Variants in AP1M1 observed in about 807,000 individuals in gnomAD.
AP1M1 encodes the protein AP-1 complex subunit mu-1.
AP1M1 carries 18 observed loss-of-function variants against 57.1 expected under a neutral mutation model. The ratio of observed to expected loss-of-function variants is 0.32; its 90% confidence interval spans 0.22 to 0.47. The LOEUF (loss-of-function observed/expected upper bound fraction) is 0.47. AP1M1 is among the 20% of genes least tolerant of loss of function. The pLI is 1.00. For missense variants in AP1M1, 362 were observed against 593.5 expected, an observed-to-expected ratio of 0.61 and a Z score of 4.05; for synonymous variants, 241 against 237.9, an observed-to-expected ratio of 1.01 and a Z score of -0.12.
chr19:16,232,478 T>C (rs1395245631), intron 9 of AP1M1, among the ~76,000 whole-genome samples: 2 of 152,158 alleles, frequency 1.3e-5, no homozygotes. Flanking sequence ...TCTGGCTGAG[T>C]GTTTGGGGCA....
chr19:16,211,645 G>T (rs1407968332), intron 5 of AP1M1, among the ~76,000 whole-genome samples: 9 of 152,014 alleles, frequency 5.9e-5, no homozygotes, highest in African/African-American at 2.2e-4. Flanking sequence ...AGCTACTCGG[G>T]TGGCTGAGGT....
chr19:16,222,174 C>G (rs904554656), intron 5 of AP1M1, among the ~76,000 whole-genome samples: 10 of 147,370 alleles, frequency 6.8e-5, no homozygotes, highest in Non-Finnish European at 1.5e-4. Context: ...CTGTTTATCT[C>G]CATTCTGTTA....
chr19:16,220,837 T>C (rs1419899583), intron 5 of AP1M1, among the ~76,000 whole-genome samples: 2 of 152,258 alleles, frequency 1.3e-5, no homozygotes, highest in African/African-American at 4.8e-5. Flanking sequence ...TTGACGGTTT[T>C]TGTTTAGCAC....
At chr19:16,199,631 G>A (rs1176847173) in intron 1 of AP1M1, among the ~76,000 whole-genome samples, 1 of 151,116 alleles carries the variant, frequency 6.6e-6, no homozygotes, top group Non-Finnish European at 1.5e-5. Flanking sequence ...GAAGTCCCTT[G>A]AGTGGGTGCC....
intron 5 of AP1M1, among the ~76,000 whole-genome samples, chr19:16,218,562 C>T (rs528116321): frequency 1.3e-5 from 2 of 152,324 alleles, no homozygotes; most frequent in African/African-American, 2.4e-5. Context: ...TCTATGTCTT[C>T]CCTCCGTTCA....
chr19:16,216,719 T>C (rs1181932892), intron 5 of AP1M1, among the ~76,000 whole-genome samples: 1 of 152,212 alleles, frequency 6.6e-6, no homozygotes, highest in East Asian at 1.9e-4. Context: ...AGCTTAGGAC[T>C]CCTGAACTGC....
At chr19:16,225,657 G>A (rs2091568084) in intron 5 of AP1M1, among the ~76,000 whole-genome samples, 1 of 152,232 alleles carries the variant, frequency 6.6e-6, no homozygotes, top group Non-Finnish European at 1.5e-5. Flanking sequence ...CTGCCCCAGA[G>A]GTTGTCGAGG....
At chr19:16,198,700 C>T (rs2091434970) in intron 1 of AP1M1, among the ~76,000 whole-genome samples, 3 of 152,262 alleles carry the variant, frequency 2.0e-5, no homozygotes, top group East Asian at 1.9e-4. Context: ...TCTAGGAGTC[C>T]GATCCAGAAT....
In AP1M1 at chr19:16,203,533, G is replaced by A. The variant is rs934999112; in HGVS notation, c.117G>A (p.Glu39=). 1 of 1,614,212 alleles carries A rather than the reference G, an allele frequency of 6.2e-7. No homozygotes were observed. Among genetic ancestry groups the A allele is most frequent in the Non-Finnish European group, 8.5e-7 (1 of 1,180,036 alleles). The part of the protein sequence containing the change: ...EVEHFMPILM[E]KEEEGMLSPI... ...AGCACTTCATGCCCATCCTGATGGA[G>A]AAGGAGGAGGAGGGGATGCTGTCGC... Residue 39 remains glutamate (E), a synonymous_variant, in exon 2 of 12, where the codon GAG becomes GAA. Transcript: ENST00000291439. The surrounding 1 kb of genome is among the most constrained non-coding windows in gnomAD (Gnocchi z 4.6).
At chr19:16,224,145 CTCT>C (rs896080932) in intron 5 of AP1M1, among the ~76,000 whole-genome samples, 28 of 152,244 alleles carry the variant, frequency 1.8e-4, no homozygotes, top group African/African-American at 6.8e-4. Context: ...CCGTGCAGAC[CTCT>C]TCGCTTTCTT....
Position 16,227,822 on chromosome 19 carries a change from G to A in AP1M1, c.816+132G>A, listed in dbSNP as rs2091577813. 2.5e-6 allele frequency: 3 copies of A among 1,208,792 alleles called. No individual in the cohort carries two copies. Among genetic ancestry groups the A allele is most frequent in the African/African-American group, 1.5e-5 (1 of 66,684 alleles). The allele number at this position is 1,208,792 out of a possible 1,614,324, so 74.9% of individuals were successfully genotyped here. On this transcript the variant is annotated intron_variant, in intron 7 of 11. Coordinates refer to ENST00000291439, the MANE Select transcript of AP1M1 (RefSeq NM_032493.4). This position sits in a 1 kb window ranked among gnomAD's most constrained non-coding sequence, Gnocchi z 6.2. Reference sequence around the variant, plus strand: ...ATGAGCTGCCTGGCTCTGCAGAGATGGAGTCTGAGGACTTGGGACTCCGAG... The same window carrying A: ...ATGAGCTGCCTGGCTCTGCAGAGATAGAGTCTGAGGACTTGGGACTCCGAG...
chr19:16,222,202 A>ATTTTTTTTTTTT (rs1406563931), intron 5 of AP1M1, among the ~76,000 whole-genome samples: 1 of 57,626 alleles, frequency 1.7e-5, no homozygotes, highest in African/African-American at 4.5e-5. Flanking sequence ...TATTACTATT[A>ATTTTTTTTTTTT]TTATTATTAT....
In AP1M1 at chr19:16,206,130, G is replaced by A. The variant is rs1193364125; in HGVS notation, c.200-211G>A. Among the ~76,000 whole-genome samples the A allele has an allele frequency of 2.0e-5, 3 of 152,138 alleles. No individual in the cohort carries two copies. Among genetic ancestry groups the A allele is most frequent in the Admixed American group, 6.5e-5 (1 of 15,272 alleles). On this transcript the variant is annotated intron_variant, in intron 2 of 11. Coordinates refer to ENST00000291439, the MANE Select transcript of AP1M1 (RefSeq NM_032493.4). This position sits in a 1 kb window ranked among gnomAD's most constrained non-coding sequence, Gnocchi z 4.3. ...TCCATCTCAGTGAGTGCTCCCTGGG[G>A]CCTGGGAGCGCATCTGGCTGGTGAC...
At chr19:16,219,409 T>G (rs555783710) in intron 5 of AP1M1, among the ~76,000 whole-genome samples, 3 of 151,648 alleles carry the variant, frequency 2.0e-5, no homozygotes, top group Non-Finnish European at 4.4e-5. Context: ...TTTTTTTTTT[T>G]TTTTTGAGAT....
intron 4 of AP1M1, 114 bp from the exon 5 acceptor site, chr19:16,208,916 G>A (rs2091481210): frequency 7.7e-7 from 1 of 1,303,564 alleles, no homozygotes; most frequent in South Asian, 1.5e-5. Context: ...CTATTTTCAA[G>A]TCGGTCAGAA....
At chr19:16,233,639 CG>C in intron 10 of AP1M1, 21 bp downstream of exon 10, 2 of 1,603,990 alleles carry the variant, frequency 1.2e-6, no homozygotes, top group Non-Finnish European at 8.5e-7. Flanking sequence ...CCCAGGCGGC[CG>C]GGGCCCAGAA....
At chr19:16,220,700 T>G (rs887019158) in intron 5 of AP1M1, among the ~76,000 whole-genome samples, 3 of 152,116 alleles carry the variant, frequency 2.0e-5, no homozygotes, top group African/African-American at 7.2e-5. Context: ...CCTAAAAAGG[T>G]TTTTTTAAAA....
Position 16,209,167 on chromosome 19 carries a change from T to C in AP1M1, c.536T>C (p.Val179Ala). The change falls in exon 5 of 12, where the codon GTC (valine) becomes GCC (alanine). Residue 179 changes from valine (V) to alanine (A), a missense_variant. Around this residue, in one of 2 missense-constraint regions of AP1M1, gnomAD observed 337 missense variants for 511.1 expected, o/e 0.66. Coordinates refer to ENST00000291439, the MANE Select transcript of AP1M1 (RefSeq NM_032493.4). ...GTGTTCTTGGACGTCATCGAGTCTG[T>C]CAACCTCTTGGTAGGCCTCTTTTCT... ...NEVFLDVIESVNLLVSANGNV... is the reference protein window; with the variant it reads ...NEVFLDVIESANLLVSANGNV... The C allele has an allele frequency of 6.2e-7, 1 of 1,614,196 alleles. No homozygotes were observed. The highest frequency in any genetic ancestry group is 2.2e-5 in the East Asian group (1 of 44,888).
rs1242095585 is a variant in AP1M1, at chr19:16,207,814, C to T, written c.268-205C>T. Among the ~76,000 whole-genome samples the T allele has an allele frequency of 6.6e-6, 1 of 152,120 alleles. No homozygotes were observed. The highest frequency in any genetic ancestry group is 1.5e-5 in the Non-Finnish European group (1 of 68,018). ...AGGCCTCGGGACATCTGCAGTGGCT[C>T]CAGCCTGGCCCCACCCCACAGCCAG... On this transcript the variant is annotated intron_variant, in intron 3 of 11. Coordinates refer to ENST00000291439, the MANE Select transcript of AP1M1 (RefSeq NM_032493.4). This position sits in a 1 kb window ranked among gnomAD's most constrained non-coding sequence, Gnocchi z 4.2.
Sources: allele counts gnomAD v4.1 joint callset (sites outside exome capture counted in the v4.1 genomes callset), GRCh38; gene constraint gnomAD v4.1.1; regional missense constraint gnomAD v4.1.1; non-coding constraint Gnocchi (gnomAD v3.1); transcripts MANE v1.5; gene names NCBI Gene and HGNC (gene_info 2026-07-23, HGNC 2026-07-21).